Variants in NCAM2 observed in about 807,000 individuals in gnomAD.
The protein encoded by NCAM2 is N-CAM-2.
Under a neutral mutation model 98.1 loss-of-function variants are expected in NCAM2, and 30 were observed. The observed-to-expected ratio is 0.31, with a 90% confidence interval of 0.23 to 0.41. NCAM2 has a LOEUF of 0.41. Among genes scored for constraint, NCAM2 ranks in the 10% least tolerant of loss-of-function variants. The probability of loss-of-function intolerance (pLI) is 1.00; values close to 1 mark genes in which losing one functional copy is unlikely to be tolerated. For missense variants in NCAM2, 867 were observed against 1,005.8 expected, an observed-to-expected ratio of 0.86 and a Z score of 1.87; for synonymous variants, 368 against 342.4, an observed-to-expected ratio of 1.07 and a Z score of -0.83.
At chr21:21,019,036 C>T (rs1261228297) in intron 1 of NCAM2, among the ~76,000 whole-genome samples, 1 of 152,200 alleles carries the variant, frequency 6.6e-6, no homozygotes, top group Admixed American at 6.5e-5. Context: ...TTCCTGCCAG[C>T]ACATGGCAGT....
intron 1 of NCAM2, among the ~76,000 whole-genome samples, chr21:21,009,882 G>GGTGTGTGTGTGTGTGT (rs748587441): frequency 9.7e-5 from 5 of 51,788 alleles, no homozygotes; most frequent in South Asian, 1.5e-3. Context: ...GCCTCTGATA[G>GGTGTGTGTGTGTGTGT]CTGTGTGTGT....
intron 7 of NCAM2, among the ~76,000 whole-genome samples, chr21:21,336,263 A>G (rs2074864723): frequency 6.6e-6 from 1 of 152,102 alleles, no homozygotes; most frequent in Admixed American, 6.6e-5. Context: ...TTTCCCTTTA[A>G]TTAGTGTAAC....
At chr21:21,536,197 G>A (rs2146433484) in intron 17 of NCAM2, among the ~76,000 whole-genome samples, 1 of 151,718 alleles carries the variant, frequency 6.6e-6, no homozygotes, top group Non-Finnish European at 1.5e-5. Context: ...TCCCAGCAAT[G>A]GATATTACTA....
At chr21:21,280,209 T>C (rs909318136) in intron 1 of NCAM2, among the ~76,000 whole-genome samples, 4 of 152,070 alleles carry the variant, frequency 2.6e-5, no homozygotes, top group Non-Finnish European at 4.4e-5. Flanking sequence ...AATGATAATA[T>C]AGGATTTATA....
At chr21:21,313,697 A>G (rs1056536980) in intron 5 of NCAM2, among the ~76,000 whole-genome samples, 10 of 151,956 alleles carry the variant, frequency 6.6e-5, no homozygotes, top group South Asian at 2.1e-4. Flanking sequence ...CTTCATTCAG[A>G]TTTACACATC....
intron 1 of NCAM2, among the ~76,000 whole-genome samples, chr21:21,248,626 A>C (rs1169728283): frequency 6.6e-6 from 1 of 151,708 alleles, no homozygotes; most frequent in Non-Finnish European, 1.5e-5. Flanking sequence ...AATACAAAAA[A>C]ATTAGCTGGG....
intron 1 of NCAM2, among the ~76,000 whole-genome samples, chr21:21,131,865 G>C (rs1000375676): frequency 2.0e-5 from 3 of 152,156 alleles, no homozygotes; most frequent in African/African-American, 7.2e-5. Context: ...ATACAGAAAA[G>C]TGAATAATAG....
intron 1 of NCAM2, among the ~76,000 whole-genome samples, chr21:21,148,644 A>T (rs2067360084): frequency 6.6e-6 from 1 of 152,122 alleles, no homozygotes; most frequent in African/African-American, 2.4e-5. Context: ...TTTTTGAGAG[A>T]CGCTTTTTTA....
Position 21,292,208 on chromosome 21 carries a change from A to G in NCAM2, c.586A>G (p.Ile196Val), listed in dbSNP as rs773306072. The change falls in exon 5 of 18, where the codon ATT (isoleucine) becomes GTT (valine). Residue 196 changes from isoleucine (I) to valine (V), a missense_variant. Ile to Val is a conservative substitution (Grantham distance 29). Transcript: ENST00000400546. Reference protein sequence around the residue: ...CEGRVEARGEIDFRDIIVIVN... With the variant: ...CEGRVEARGEVDFRDIIVIVN... ...AGGAAGAGTGGAGGCCAGGGGAGAA[A>G]TTGACTTCCGTGATATCATTGTTAT... The G allele has an allele frequency of 6.2e-7, 1 of 1,610,390 alleles. No homozygotes were observed. Among genetic ancestry groups the G allele is most frequent in the Admixed American group, 1.7e-5 (1 of 59,636 alleles).
chr21:21,318,620 G>A (rs2074287259), intron 5 of NCAM2, among the ~76,000 whole-genome samples: 1 of 152,040 alleles, frequency 6.6e-6, no homozygotes, highest in Non-Finnish European at 1.5e-5. Context: ...AATGTCTACT[G>A]AGGACATTTC....
intron 1 of NCAM2, among the ~76,000 whole-genome samples, chr21:21,251,272 T>C (rs2071459759): frequency 1.3e-5 from 2 of 152,052 alleles, no homozygotes; most frequent in Admixed American, 6.6e-5. Flanking sequence ...ATCATCTAGG[T>C]TTTAAGCCCC....
At chr21:21,345,010 C>CT in intron 8 of NCAM2, among the ~76,000 whole-genome samples, 1 of 152,154 alleles carries the variant, frequency 6.6e-6, no homozygotes, top group Admixed American at 6.5e-5. Flanking sequence ...TTTCCCCGAA[C>CT]TTGTCCAAGA....
intron 12 of NCAM2, among the ~76,000 whole-genome samples, chr21:21,459,783 A>G (rs1412255226): frequency 6.6e-6 from 1 of 151,734 alleles, no homozygotes; most frequent in Non-Finnish European, 1.5e-5. Context: ...GTTATGCAAG[A>G]TGAATGCATT....
At chr21:21,002,180 T>A (rs1228250880) in intron 1 of NCAM2, among the ~76,000 whole-genome samples, 2 of 152,142 alleles carry the variant, frequency 1.3e-5, no homozygotes, top group East Asian at 1.9e-4. Flanking sequence ...AGGATTTCCC[T>A]CACTACTTCA....
At chr21:21,147,610 A>C (rs1445392457) in intron 1 of NCAM2, among the ~76,000 whole-genome samples, 1 of 150,578 alleles carries the variant, frequency 6.6e-6, no homozygotes, top group African/African-American at 2.4e-5. Context: ...ATATATATGT[A>C]TATATACATA....
intron 1 of NCAM2, among the ~76,000 whole-genome samples, chr21:21,010,158 C>T (rs979161742): frequency 6.6e-6 from 1 of 151,986 alleles, no homozygotes; most frequent in Non-Finnish European, 1.5e-5. Context: ...TTATCTCCCT[C>T]CTAAAGTTTA....
intron 1 of NCAM2, among the ~76,000 whole-genome samples, chr21:21,260,289 T>A (rs1430626754): frequency 1.3e-5 from 2 of 150,876 alleles, no homozygotes; most frequent in African/African-American, 4.9e-5. Flanking sequence ...GAATAATAAT[T>A]CCAAAAAAAA....
At chr21:21,288,223 A>G (rs1447906939) in intron 4 of NCAM2, among the ~76,000 whole-genome samples, 4 of 151,946 alleles carry the variant, frequency 2.6e-5, no homozygotes, top group Non-Finnish European at 5.9e-5. Flanking sequence ...TTTAAAAAAT[A>G]TATTTTTCAT....
At chr21:21,117,514 ATATATT>A (rs1188035312) in intron 1 of NCAM2, among the ~76,000 whole-genome samples, 2 of 152,228 alleles carry the variant, frequency 1.3e-5, no homozygotes, top group Non-Finnish European at 2.9e-5. Flanking sequence ...GAAATTGTGA[ATATATT>A]TATGTTTCAT....
Sources: allele counts gnomAD v4.1 joint callset (sites outside exome capture counted in the v4.1 genomes callset), GRCh38; gene constraint gnomAD v4.1.1; transcripts MANE v1.5; gene names NCBI Gene and HGNC (gene_info 2026-07-23, HGNC 2026-07-21).